The following SGCG variants were observed in gnomAD, a reference collection of about 807,000 sequenced individuals.
SGCG encodes the protein sarcoglycan gamma, also known as gamma-sarcoglycan.
SGCG carries 26 observed loss-of-function variants against 29.3 expected under a neutral mutation model. The observed-to-expected ratio is 0.89, with a 90% CI of 0.65 to 1.23. The LOEUF (loss-of-function observed/expected upper bound fraction) is 1.23, where lower values mean the gene tolerates loss of function less well. Among genes scored for constraint, SGCG ranks in the 50% most tolerant of loss-of-function variants. The probability of loss-of-function intolerance (pLI) is 0.00; values close to 1 mark genes in which losing one functional copy is unlikely to be tolerated. For missense variants in SGCG, 353 were observed against 356.0 expected (o/e 0.99, Z 0.07); for synonymous variants, 145 against 129.7 (o/e 1.12, Z -0.80).
At position 23,322,776 on chromosome 13, in the gene SGCG, C is replaced by CA. The variant is rs1452990014; in HGVS notation, c.703-1592_703-1591insA. Among the ~76,000 whole-genome samples the CA allele has an allele frequency of 4.3e-5, 2 of 46,234 alleles. 1 individual carries two copies. The highest frequency in any genetic ancestry group is 9.2e-5 in the Non-Finnish European group (2 of 21,816). The allele number at this position is 46,234 out of a possible 152,430, so 30.3% of individuals were successfully genotyped here. A position where few individuals can be genotyped will look rare whatever the true frequency, so the allele number is the denominator to read the frequency against. The stretch of plus-strand genomic sequence containing the variant: ...CCGCCCCCCACCCATCCACCTCCCC[C>CA]CCCCCCCCCCCCCGCCAACAGGTGT... On this transcript the variant is annotated intron_variant, in intron 7 of 7. Transcript: ENST00000218867.
At chr13:23,220,236 T>A (rs1341310695) in intron 2 of SGCG, among the ~76,000 whole-genome samples, 1 of 152,116 alleles carries the variant, frequency 6.6e-6, no homozygotes, top group South Asian at 2.1e-4. Flanking sequence ...GCAGATCACC[T>A]GAGGTCGGGA....
intron 6 of SGCG, among the ~76,000 whole-genome samples, chr13:23,314,189 T>TAGAG (rs200533752): frequency 3.8e-5 from 4 of 104,792 alleles, no homozygotes; most frequent in African/African-American, 8.6e-5. Context: ...TATATATATA[T>TAGAG]AGAGAGAGAG....
rs115743959 is a variant in SGCG, at chr13:23,316,193, G to A, written c.579-4444G>A. ...GTGATAAGCCAGCTACCTGGTGGCA[G>A]TTGGATTATATTGGACCTCTTCCAT... is the stretch of plus-strand genomic sequence containing the variant. On this transcript the variant is annotated intron_variant, in intron 6 of 7. Coordinates refer to ENST00000218867, the MANE Select transcript of SGCG (RefSeq NM_000231.3). Among the ~76,000 whole-genome samples the A allele has an allele frequency of 6.2e-3, 948 of 152,350 alleles. 7 individuals carry two copies. The highest frequency in any genetic ancestry group is 0.022 in the African/African-American group (895 of 41,596).
At chr13:23,188,779 G>C (rs1439300681) in intron 1 of SGCG, among the ~76,000 whole-genome samples, 1 of 152,116 alleles carries the variant, frequency 6.6e-6, no homozygotes, top group Non-Finnish European at 1.5e-5. Flanking sequence ...CTAGCTCATG[G>C]GCCTATGAAG....
At chr13:23,210,042 C>G (rs1270145575) in intron 2 of SGCG, among the ~76,000 whole-genome samples, 1 of 152,106 alleles carries the variant, frequency 6.6e-6, no homozygotes, top group Non-Finnish European at 1.5e-5. Flanking sequence ...CATTTATTAA[C>G]AGAGAAATGG....
intron 2 of SGCG, among the ~76,000 whole-genome samples, chr13:23,205,387 A>G (rs1228689602): frequency 1.3e-5 from 2 of 152,214 alleles, no homozygotes; most frequent in Admixed American, 6.5e-5. Flanking sequence ...AGAGCCCTGC[A>G]TCAGCCTGCT....
At chr13:23,321,016 CTT>C (rs1883016252) in intron 7 of SGCG, among the ~76,000 whole-genome samples, 1 of 151,834 alleles carries the variant, frequency 6.6e-6, no homozygotes, top group African/African-American at 2.4e-5. Context: ...GATTTAGTGA[CTT>C]GTTATTTTCA....
chr13:23,213,577 A>C lies in SGCG; in HGVS notation c.195+9688A>C, dbSNP rs141703304. 1.6e-3 allele frequency among the ~76,000 whole-genome samples: 244 copies of C among 152,346 alleles called. 2 individuals carry two copies. Among genetic ancestry groups the C allele is most frequent in the African/African-American group, 5.7e-3 (238 of 41,572 alleles). ...GAACTTAAAGAGATCAAATTTATCC[A>C]AAACCAAAATGACTTCTACTAAAAT... is the stretch of plus-strand genomic sequence containing the variant. On this transcript the variant is annotated intron_variant, in intron 2 of 7. Coordinates refer to ENST00000218867, the MANE Select transcript of SGCG (RefSeq NM_000231.3).
At chr13:23,197,210 A>G (rs920666934) in intron 1 of SGCG, among the ~76,000 whole-genome samples, 6 of 152,280 alleles carry the variant, frequency 3.9e-5, no homozygotes, top group Middle Eastern at 3.4e-3. Flanking sequence ...CGTGTGTTCA[A>G]CAAGCACTTA....
intron 3 of SGCG, among the ~76,000 whole-genome samples, chr13:23,241,787 A>G (rs1414650653): frequency 6.6e-6 from 1 of 152,230 alleles, no homozygotes; most frequent in Non-Finnish European, 1.5e-5. Context: ...AACATATGCA[A>G]AACAATAAAC....
intron 5 of SGCG, among the ~76,000 whole-genome samples, chr13:23,292,329 C>T (rs748151420): frequency 1.3e-5 from 2 of 152,174 alleles, no homozygotes; most frequent in African/African-American, 4.8e-5. Flanking sequence ...AGGCTGGTCT[C>T]GAAATCCTGG....
intron 4 of SGCG, chr13:23,267,391 TG>T (rs1880680264): frequency 6.6e-6 from 1 of 152,306 alleles, no homozygotes; most frequent in Non-Finnish European, 1.5e-5. Flanking sequence ...CTGGGGGAGC[TG>T]GTGATGTTTG....
intron 2 of SGCG, among the ~76,000 whole-genome samples, chr13:23,232,657 C>T (rs1238819460): frequency 6.6e-6 from 1 of 152,044 alleles, no homozygotes; most frequent in Admixed American, 6.6e-5. Flanking sequence ...TGGCAGGCAC[C>T]TGTAGTCCCA....
chr13:23,187,924 G>A (rs901106889), intron 1 of SGCG, among the ~76,000 whole-genome samples: 1 of 152,148 alleles, frequency 6.6e-6, no homozygotes. Context: ...CAAACTCCTG[G>A]AGGCCTATGC....
intron 7 of SGCG, among the ~76,000 whole-genome samples, chr13:23,323,610 C>G (rs1883127530): frequency 6.6e-6 from 1 of 152,222 alleles, no homozygotes; most frequent in Admixed American, 6.5e-5. Flanking sequence ...AAGCCTCAAT[C>G]TACGGCTCTT....
chr13:23,315,834 G>A (rs1882786422), intron 6 of SGCG, among the ~76,000 whole-genome samples: 1 of 152,210 alleles, frequency 6.6e-6, no homozygotes, highest in East Asian at 1.9e-4. Flanking sequence ...ATATGTGGAT[G>A]GACCTCTCTG....
At chr13:23,303,161 C>A (rs515658) in intron 6 of SGCG, among the ~76,000 whole-genome samples, 1 of 152,018 alleles carries the variant, frequency 6.6e-6, no homozygotes, top group Non-Finnish European at 1.5e-5. Flanking sequence ...TGTAATACAT[C>A]ATAATCGATT....
intron 2 of SGCG, among the ~76,000 whole-genome samples, chr13:23,221,367 G>C (rs1878650212): frequency 6.6e-6 from 1 of 151,904 alleles, no homozygotes; most frequent in Non-Finnish European, 1.5e-5. Flanking sequence ...CTAAAATGCA[G>C]AGTCACTTAC....
rs190165181 is a variant in SGCG at position 23,322,813 on chromosome 13, G to T, written c.703-1555G>T. The stretch of plus-strand genomic sequence containing the variant: ...CCGCCAACAGGTGTAACGTGGTGCC[G>T]CGGGCAGAGGATTCACCTGGAAGTC... On this transcript the variant is annotated intron_variant, in intron 7 of 7. Coordinates refer to ENST00000218867, the MANE Select transcript of SGCG (RefSeq NM_000231.3). Among the ~76,000 whole-genome samples the T allele has an allele frequency of 7.3e-5, 10 of 136,116 alleles. No homozygotes were observed. The East Asian group carries it at 1.5e-3, about 21-fold the overall frequency. 89.3% of individuals were successfully genotyped at this position (136,116 alleles called of 152,430 possible).
Sources: gnomAD v4.1 joint callset for allele counts (sites outside exome capture counted in the v4.1 genomes callset) on GRCh38, gnomAD v4.1.1 for gene constraint, MANE v1.5 for transcripts, NCBI Gene and HGNC (gene_info 2026-07-23, HGNC 2026-07-21) for gene names.